Variants in ADAMTSL1 observed in about 807,000 individuals in gnomAD.
The protein encoded by ADAMTSL1 is ADAMTS like 1.
ADAMTSL1 carries 126 observed loss-of-function variants against 201.8 expected under a neutral mutation model. The ratio of observed to expected loss-of-function variants is 0.62; its 90% CI spans 0.54 to 0.72. The LOEUF (loss-of-function observed/expected upper bound fraction) is 0.72. Among genes scored for constraint, ADAMTSL1 ranks in the 30% least tolerant of loss-of-function variants. The pLI, the probability that ADAMTSL1 is intolerant of heterozygous loss-of-function variation, is 0.00. For synonymous variants in ADAMTSL1, 1,121 were observed against 903.4 expected, an observed-to-expected ratio of 1.24 and a Z score of -4.32; for missense variants, 2,679 against 2,277.8, an observed-to-expected ratio of 1.18 and a Z score of -3.59.
intron 13 of ADAMTSL1, among the ~76,000 whole-genome samples, chr9:18,688,658 T>TAAA (rs1270730704): frequency 3.2e-3 from 21 of 6,590 alleles, no homozygotes; most frequent in Admixed American, 5.8e-3. Context: ...ACAGAGCATT[T>TAAA]CAAAAAAAAA....
At chr9:18,476,788 G>T (rs915112587) in intron 1 of ADAMTSL1, among the ~76,000 whole-genome samples, 1 of 151,884 alleles carries the variant, frequency 6.6e-6, no homozygotes, top group African/African-American at 2.4e-5. Context: ...TGTCTATTTT[G>T]TGGCAAGCCC....
At chr9:18,668,706 A>G (rs1290311431) in intron 9 of ADAMTSL1, among the ~76,000 whole-genome samples, 1 of 152,210 alleles carries the variant, frequency 6.6e-6, no homozygotes, top group African/African-American at 2.4e-5. Flanking sequence ...GTCCTTAGTG[A>G]GGTGCCAAGC....
intron 2 of ADAMTSL1, among the ~76,000 whole-genome samples, chr9:18,227,597 T>C (rs1830477800): frequency 6.6e-6 from 1 of 152,190 alleles, no homozygotes; most frequent in African/African-American, 2.4e-5. Flanking sequence ...GTCCCCAGAA[T>C]TGGCAGCACA....
chr9:18,269,653 C>G (rs764871515), intron 2 of ADAMTSL1, among the ~76,000 whole-genome samples: 1 of 152,088 alleles, frequency 6.6e-6, no homozygotes, highest in Non-Finnish European at 1.5e-5. Flanking sequence ...CATTTTATAA[C>G]TGATCTACTT....
chr9:18,704,854 T>A (rs1197000429), intron 13 of ADAMTSL1, among the ~76,000 whole-genome samples: 1 of 152,164 alleles, frequency 6.6e-6, no homozygotes, highest in Non-Finnish European at 1.5e-5. Flanking sequence ...GAGATTTTCT[T>A]GGGATAATTC....
At chr9:18,630,696 C>T (rs1002999248) in intron 5 of ADAMTSL1, among the ~76,000 whole-genome samples, 1 of 152,126 alleles carries the variant, frequency 6.6e-6, no homozygotes, top group Non-Finnish European at 1.5e-5. Context: ...TCTTAAAAAC[C>T]ATGGTTTCAT....
intron 1 of ADAMTSL1, among the ~76,000 whole-genome samples, chr9:17,975,444 G>A (rs558430267): frequency 3.2e-4 from 48 of 152,010 alleles, no homozygotes; most frequent in East Asian, 9.7e-4. Context: ...CTGTGTCTTC[G>A]CGTAGTAGCA....
intron 26 of ADAMTSL1, among the ~76,000 whole-genome samples, chr9:18,903,597 A>G (rs1437718099): frequency 6.6e-6 from 1 of 152,200 alleles, no homozygotes; most frequent in Admixed American, 6.5e-5. Flanking sequence ...AAAAACTATA[A>G]TGAATGTCAA....
intron 23 of ADAMTSL1, among the ~76,000 whole-genome samples, chr9:18,886,164 GTGTATATATATATATATA>G (rs1360672725): frequency 0.048 from 3,005 of 62,286 alleles, 147 homozygotes; most frequent in South Asian, 0.16. Flanking sequence ...GAGTGTGTAT[GTGTATATATATATATATA>G]TATATATATA....
intron 2 of ADAMTSL1, among the ~76,000 whole-genome samples, chr9:18,216,487 A>G: frequency 6.6e-6 from 1 of 152,270 alleles, no homozygotes; most frequent in Middle Eastern, 3.4e-3. Flanking sequence ...AACTTAGCAT[A>G]GGCATGAGGG....
At chr9:18,544,732 A>C (rs1338420111) in intron 3 of ADAMTSL1, among the ~76,000 whole-genome samples, 4 of 152,212 alleles carry the variant, frequency 2.6e-5, no homozygotes, top group African/African-American at 4.8e-5. Context: ...ACTCAGTATG[A>C]ATAGGAATGC....
intron 2 of ADAMTSL1, among the ~76,000 whole-genome samples, chr9:18,440,661 G>T: frequency 6.6e-6 from 1 of 150,560 alleles, no homozygotes. Context: ...TTTATAAGTA[G>T]GCTTTCCTAA....
chr9:18,042,329 A>T, intron 1 of ADAMTSL1, among the ~76,000 whole-genome samples: 1 of 152,182 alleles, frequency 6.6e-6, no homozygotes, highest in East Asian at 1.9e-4. Context: ...AGCAAGATCA[A>T]TGAATTTATG....
At chr9:18,828,398 G>C (rs1430032778) in intron 22 of ADAMTSL1, among the ~76,000 whole-genome samples, 1 of 151,914 alleles carries the variant, frequency 6.6e-6, no homozygotes, top group Non-Finnish European at 1.5e-5. Context: ...GCTTTCATGA[G>C]TTTCAAGAGG....
intron 2 of ADAMTSL1, among the ~76,000 whole-genome samples, chr9:18,179,059 T>C (rs929970661): frequency 6.6e-6 from 1 of 152,182 alleles, no homozygotes. Context: ...GAAGAAGGCT[T>C]CAGACAATCA....
At chr9:18,599,374 G>T (rs1027059343) in intron 4 of ADAMTSL1, among the ~76,000 whole-genome samples, 8 of 152,184 alleles carry the variant, frequency 5.3e-5, no homozygotes, top group African/African-American at 1.9e-4. Flanking sequence ...CTTGGGACAG[G>T]CATGGGCCTC....
At chr9:18,811,722 C>T (rs933244009) in intron 20 of ADAMTSL1, among the ~76,000 whole-genome samples, 2 of 152,298 alleles carry the variant, frequency 1.3e-5, no homozygotes, top group Middle Eastern at 3.4e-3. Flanking sequence ...ACCTTCATCA[C>T]CCTTATTCAT....
At chr9:18,651,897 T>A (rs1054712617) in intron 7 of ADAMTSL1, among the ~76,000 whole-genome samples, 1 of 102,822 alleles carries the variant, frequency 9.7e-6, no homozygotes, top group Non-Finnish European at 2.4e-5. Context: ...GGGAATTTAT[T>A]AAGTTTATAA....
At chr9:18,260,733 C>T (rs1010898788) in intron 2 of ADAMTSL1, among the ~76,000 whole-genome samples, 9 of 152,142 alleles carry the variant, frequency 5.9e-5, no homozygotes, top group African/African-American at 7.2e-5. Context: ...GGTCCCTCTC[C>T]GAGGCACTAG....
Sources: gnomAD v4.1 joint callset for allele counts (sites outside exome capture counted in the v4.1 genomes callset) on GRCh38, gnomAD v4.1.1 for gene constraint, MANE v1.5 for transcripts, NCBI Gene and HGNC (gene_info 2026-07-23, HGNC 2026-07-21) for gene names.